Variants in SF3B3 observed in about 807,000 individuals in gnomAD.
The protein encoded by SF3B3 is splicing factor 3b subunit 3, also known as SAP 130.
In SF3B3, 33 loss-of-function variants were observed where a neutral mutation model predicts 139.2. That is an observed-to-expected ratio of 0.24 (90% CI 0.18 to 0.32). The LOEUF (loss-of-function observed/expected upper bound fraction) is 0.32, where lower values mean the gene tolerates loss of function less well. SF3B3 is among the 10% of genes least tolerant of loss of function. The pLI is 1.00. For synonymous variants in SF3B3, 596 were observed against 563.6 expected (o/e 1.06, Z -0.81); for missense variants, 818 against 1,509.4 (o/e 0.54, Z 7.59).
Position 70,536,444 on chromosome 16 carries a change from A to G in SF3B3, c.825+1024A>G, listed in dbSNP as rs1243468030. On this transcript the variant is annotated intron_variant, in intron 6 of 25. Coordinates refer to ENST00000302516, the MANE Select transcript of SF3B3 (RefSeq NM_012426.5). ...AGTGGTGCGATCTGGGCTCACTGCA[A>G]GCTCCGCCTCCCGGGTTCACGCCAT... 2.0e-5 allele frequency among the ~76,000 whole-genome samples: 3 copies of G among 151,972 alleles called. No homozygotes were observed. In the East Asian group the frequency reaches 5.8e-4, roughly 29 times the overall value.
At chr16:70,554,703 A>G in intron 12 of SF3B3, 106 bp downstream of exon 12, 1 of 1,171,894 alleles carries the variant, frequency 8.5e-7, no homozygotes, top group South Asian at 1.4e-5. Context: ...CCTTCCAGCA[A>G]GCCTTAGGGG....
rs1444823180 is a variant in SF3B3 at position 70,528,862 on chromosome 16, T to G, written c.71-11T>G. ...CTGGTTGTTTATGATCTTTATTTTTTGGTGATCTAGGAACCAAACAACAAG... is the reference window on the plus strand; with the variant it reads ...CTGGTTGTTTATGATCTTTATTTTTGGGTGATCTAGGAACCAAACAACAAG... On this transcript the variant is annotated splice_polypyrimidine_tract_variant and intron_variant, in intron 2 of 25. Coordinates refer to ENST00000302516, the MANE Select transcript of SF3B3 (RefSeq NM_012426.5). 6.3e-7 allele frequency: 1 copy of G among 1,590,590 alleles called. No homozygotes were observed. Among genetic ancestry groups the G allele is most frequent in the Non-Finnish European group, 8.6e-7 (1 of 1,162,676 alleles).
In SF3B3 at chr16:70,569,052, C is replaced by T. The variant is rs146926615; in HGVS notation, c.3175C>T (p.Pro1059Ser). 3.2e-4 allele frequency: 511 copies of T among 1,608,060 alleles called. No individual in the cohort carries two copies. The highest frequency in any genetic ancestry group is 3.7e-4 in the Non-Finnish European group (437 of 1,177,176). Residue 1059 changes from proline to serine, a missense_variant, in exon 23 of 26, where the codon CCA becomes TCA. Physicochemically the swap from Pro to Ser is moderately conservative, Grantham distance 74. Transcript: ENST00000302516. ...KFGNICVVRL[P>S]PNTNDEVDED... is the part of the protein sequence containing the mutation. ...TGTCACTTCCTTGTAGGTGAGGCTC[C>T]CACCTAACACCAATGATGAAGTAGA...
intron 9 of SF3B3, among the ~76,000 whole-genome samples, chr16:70,542,387 GT>G (rs2050227368): frequency 6.6e-6 from 1 of 152,218 alleles, no homozygotes; most frequent in Admixed American, 6.5e-5. Flanking sequence ...GTAACAGGTA[GT>G]TTTGAATCAC....
chr16:70,553,320 A>T (rs1469537169), intron 11 of SF3B3, among the ~76,000 whole-genome samples: 1 of 152,172 alleles, frequency 6.6e-6, no homozygotes, highest in Admixed American at 6.5e-5. Flanking sequence ...ATTTGAAGTC[A>T]TCAGAACCAA....
intron 24 of SF3B3, 25 bp from the exon 25 acceptor site, chr16:70,571,070 A>G (rs372043987): frequency 3.5e-4 from 541 of 1,548,360 alleles, no homozygotes; most frequent in African/African-American, 6.2e-4. Flanking sequence ...CTTCTCAGTG[A>G]CAGATTTTTT....
chr16:70,566,450 T>TAGC (rs1382314162), intron 20 of SF3B3, among the ~76,000 whole-genome samples: 1 of 151,532 alleles, frequency 6.6e-6, no homozygotes, highest in Non-Finnish European at 1.5e-5. Context: ...TAACCCTAGC[T>TAGC]ATTCCAGAGG....
intron 8 of SF3B3, 78 bp downstream of exon 8, chr16:70,539,285 C>T (rs929910006): frequency 3.3e-5 from 33 of 994,890 alleles, no homozygotes; most frequent in South Asian, 2.2e-4. Flanking sequence ...CAGTGGCTCA[C>T]GGCCATAATC....
In SF3B3 at chr16:70,567,404, T is replaced by C. The variant is rs761257391; in HGVS notation, c.2827-7T>C. 2.7e-5 allele frequency: 43 copies of C among 1,610,660 alleles called. 1 individual carries two copies. The Admixed American group carries it at 7.3e-4, about 27-fold the overall frequency. On this transcript the variant is annotated splice_polypyrimidine_tract_variant and splice_region_variant and intron_variant, in intron 20 of 25. Transcript: ENST00000302516. ...TAATAGCTGTATTACCTGCTTTTCC[T>C]CTATAGACTCCTGTGGAAGAGGTCC...
rs539814248 is a variant in SF3B3, at chr16:70,566,612, C to T, written c.2827-799C>T. ...TAAACTTTATGTTATGACTATTTTACCATAATTTTTAAAATAAAAAGAATA... is the reference window on the plus strand; with the variant it reads ...TAAACTTTATGTTATGACTATTTTATCATAATTTTTAAAATAAAAAGAATA... On this transcript the variant is annotated intron_variant, in intron 20 of 25. Coordinates refer to ENST00000302516, the MANE Select transcript of SF3B3 (RefSeq NM_012426.5). 2.6e-5 allele frequency among the ~76,000 whole-genome samples: 4 copies of T among 152,226 alleles called. No individual in the cohort carries two copies. The South Asian group carries it at 8.3e-4, about 32-fold the overall frequency.
intron 10 of SF3B3, among the ~76,000 whole-genome samples, chr16:70,547,018 A>G (rs1024095475): frequency 2.1e-5 from 3 of 145,938 alleles, no homozygotes; most frequent in African/African-American, 7.8e-5. Context: ...ACAGAGCGAG[A>G]CTCCGTCTCA....
At chr16:70,524,422 A>G (rs1250752440) in intron 1 of SF3B3, 1 of 152,342 alleles carries the variant, frequency 6.6e-6, no homozygotes, top group Non-Finnish European at 1.5e-5. Context: ...AAATGCGATG[A>G]TGTTTCCTTG....
At chr16:70,556,761 A>G in intron 14 of SF3B3, 125 bp from the exon 15 acceptor site, 1 of 1,000,574 alleles carries the variant, frequency 1.0e-6, no homozygotes, top group Non-Finnish European at 1.5e-6. Context: ...CTTAGAACTC[A>G]CTCCCCGGGT....
intron 3 of SF3B3, 31 bp from the exon 4 acceptor site, chr16:70,530,714 A>C: frequency 5.1e-6 from 8 of 1,572,766 alleles, no homozygotes; most frequent in Non-Finnish European, 6.9e-6. Flanking sequence ...TTATCTGGGA[A>C]TCTTGTATGT....
intron 12 of SF3B3, 134 bp from the exon 13 acceptor site, chr16:70,554,917 T>C: frequency 1.2e-6 from 1 of 822,048 alleles, no homozygotes; most frequent in Non-Finnish European, 1.9e-6. Flanking sequence ...AACTCTTTTG[T>C]CTTTGATTCA....
chr16:70,527,574 C>T (rs367564960), intron 2 of SF3B3, among the ~76,000 whole-genome samples: 14 of 152,264 alleles, frequency 9.2e-5, no homozygotes, highest in African/African-American at 3.4e-4. Flanking sequence ...ATGGCTCTTC[C>T]TGCGGGTTTG....
At chr16:70,533,479 G>A (rs1015950734) in intron 5 of SF3B3, among the ~76,000 whole-genome samples, 3 of 152,138 alleles carry the variant, frequency 2.0e-5, no homozygotes, top group African/African-American at 4.8e-5. Context: ...TAGTTCATAC[G>A]GTTGTAGATA....
chr16:70,557,636 T>C (rs532369830), intron 15 of SF3B3, among the ~76,000 whole-genome samples: 1 of 152,332 alleles, frequency 6.6e-6, no homozygotes, highest in Admixed American at 6.5e-5. Context: ...GTACCCAGTT[T>C]TTTTGGGAGA....
At chr16:70,567,600 G>GT in intron 21 of SF3B3, 64 bp downstream of exon 21, 1 of 1,541,332 alleles carries the variant, frequency 6.5e-7, no homozygotes, top group Admixed American at 2.0e-5. Context: ...CATTGGTGGG[G>GT]TGGTGGGCAT....
Sources: gnomAD v4.1 joint callset for allele counts (sites outside exome capture counted in the v4.1 genomes callset) on GRCh38, gnomAD v4.1.1 for gene constraint, MANE v1.5 for transcripts, NCBI Gene and HGNC (gene_info 2026-07-23, HGNC 2026-07-21) for gene names.